Variants in SPMAP2L observed in about 807,000 individuals in gnomAD.
The protein encoded by SPMAP2L is sperm microtubule associated protein 2-like.
At chr4:56,615,208 C>G in the SPMAP2L span, among the ~76,000 whole-genome samples, 3 of 152,190 alleles carry the variant, frequency 2.0e-5, no homozygotes, top group Non-Finnish European at 2.9e-5. Flanking sequence ...CAGAAGGAAG[C>G]TGAGGATTTG....
chr4:56,562,349 G>A, the SPMAP2L span, among the ~76,000 whole-genome samples: 1 of 150,264 alleles, frequency 6.7e-6, no homozygotes, highest in African/African-American at 2.4e-5. Flanking sequence ...TGTATCTTTT[G>A]CCCTTTAAAA....
the SPMAP2L span, among the ~76,000 whole-genome samples, chr4:56,559,797 GAC>G: frequency 6.6e-6 from 1 of 152,146 alleles, no homozygotes; most frequent in Admixed American, 6.5e-5. Flanking sequence ...TCGAGCTCCT[GAC>G]ATTGTGACCT....
At chr4:56,575,786 G>T in the SPMAP2L span, 1 of 781,602 alleles carries the variant, frequency 1.3e-6, no homozygotes, top group East Asian at 2.8e-5. Context: ...TCAAATATTT[G>T]CAGCTATTGT....
the SPMAP2L span, among the ~76,000 whole-genome samples, chr4:56,617,475 T>C: frequency 6.6e-6 from 1 of 152,122 alleles, no homozygotes; most frequent in Non-Finnish European, 1.5e-5. Flanking sequence ...CTTTTCCCCC[T>C]TATAGGGCAT....
chr4:56,603,742 C>A, the SPMAP2L span, among the ~76,000 whole-genome samples: 1 of 152,136 alleles, frequency 6.6e-6, no homozygotes, highest in South Asian at 2.1e-4. Context: ...GAAATGAAAT[C>A]ATTCTTTGTG....
the SPMAP2L span, among the ~76,000 whole-genome samples, chr4:56,579,723 T>G: frequency 8.5e-4 from 130 of 152,274 alleles, no homozygotes; most frequent in African/African-American, 3.0e-3. Flanking sequence ...GGGCTGTGAT[T>G]ATGTCACTGC....
chr4:56,546,560 G>A, the SPMAP2L span, among the ~76,000 whole-genome samples: 1 of 152,154 alleles, frequency 6.6e-6, no homozygotes, highest in Non-Finnish European at 1.5e-5. Context: ...TGGGACATTA[G>A]CTAACAACAG....
the SPMAP2L span, among the ~76,000 whole-genome samples, chr4:56,605,909 G>A: frequency 3.9e-5 from 6 of 152,120 alleles, no homozygotes; most frequent in Non-Finnish European, 8.8e-5. Flanking sequence ...TGCTCTTCTT[G>A]TAACCATTTG....
chr4:56,624,859 G>A, the SPMAP2L span, among the ~76,000 whole-genome samples: 1 of 152,186 alleles, frequency 6.6e-6, no homozygotes, highest in Non-Finnish European at 1.5e-5. Context: ...GGGAAATGTG[G>A]GGTCAGAGCC....
the SPMAP2L span, among the ~76,000 whole-genome samples, chr4:56,571,495 T>C: frequency 6.6e-6 from 1 of 151,884 alleles, no homozygotes; most frequent in Non-Finnish European, 1.5e-5. Context: ...TTGGATTTTT[T>C]TGGTAGAAAC....
chr4:56,581,314 G>C, the SPMAP2L span, among the ~76,000 whole-genome samples: 1 of 152,134 alleles, frequency 6.6e-6, no homozygotes, highest in African/African-American at 2.4e-5. Context: ...AATTAGCCAG[G>C]AGTGGTGGTG....
the SPMAP2L span, among the ~76,000 whole-genome samples, chr4:56,591,295 G>A: frequency 6.6e-6 from 1 of 152,062 alleles, no homozygotes; most frequent in Non-Finnish European, 1.5e-5. Flanking sequence ...CACCATGATT[G>A]TAAATTTCCT....
the SPMAP2L span, chr4:56,594,615 C>T: frequency 4.8e-6 from 7 of 1,471,854 alleles, no homozygotes; most frequent in South Asian, 7.9e-5. Context: ...ACACATGGGA[C>T]CAACCCAACA....
chr4:56,593,816 C>G, the SPMAP2L span: 2 of 1,609,002 alleles, frequency 1.2e-6, no homozygotes, highest in African/African-American at 1.3e-5. Flanking sequence ...AGCTCAGGCC[C>G]TCTTGGCGAA....
the SPMAP2L span, among the ~76,000 whole-genome samples, chr4:56,541,289 T>C: frequency 1.3e-5 from 2 of 152,184 alleles, no homozygotes; most frequent in South Asian, 4.1e-4. Context: ...TGTTTATAAT[T>C]GTATTACAAA....
the SPMAP2L span, chr4:56,559,584 T>C: frequency 3.6e-6 from 5 of 1,406,930 alleles, no homozygotes; most frequent in African/African-American, 1.5e-5. Context: ...TTTTTGCTTT[T>C]TGAGACAGAG....
chr4:56,531,060 C>A, the SPMAP2L span: 1 of 1,535,520 alleles, frequency 6.5e-7, no homozygotes, highest in East Asian at 2.4e-5. Flanking sequence ...GTGAGCCCCG[C>A]AAGTCCCGCG....
the SPMAP2L span, among the ~76,000 whole-genome samples, chr4:56,537,824 C>T: frequency 1.3e-5 from 2 of 152,148 alleles, no homozygotes; most frequent in African/African-American, 4.8e-5. Flanking sequence ...TCCCGAGTAG[C>T]TGGGACTACA....
At chr4:56,576,796 AG>A in the SPMAP2L span, among the ~76,000 whole-genome samples, 2 of 152,232 alleles carry the variant, frequency 1.3e-5, no homozygotes, top group Non-Finnish European at 2.9e-5. Flanking sequence ...ATGTGTCTAT[AG>A]TTATAAACAA....
Sources: gnomAD v4.1 joint callset for allele counts (sites outside exome capture counted in the v4.1 genomes callset) on GRCh38, gnomAD v4.1.1 for gene constraint, MANE v1.5 for transcripts, NCBI Gene and HGNC (gene_info 2026-07-23, HGNC 2026-07-21) for gene names.